SPTB: variants seen among roughly 807,000 people sequenced by gnomAD.
SPTB encodes the protein spectrin beta chain, erythrocytic.
Under a neutral mutation model 256.2 loss-of-function variants are expected in SPTB, and 45 were observed. That is an observed-to-expected ratio of 0.18 (90% CI 0.14 to 0.23). The LOEUF (loss-of-function observed/expected upper bound fraction) is 0.23. Ranked by LOEUF, SPTB falls within the 10% of genes least tolerant of loss-of-function variation. The pLI, the probability that SPTB is intolerant of heterozygous loss-of-function variation, is 1.00. For missense variants in SPTB, 2,715 were observed against 3,040.4 expected (o/e 0.89, Z 2.52); for synonymous variants, 1,231 against 1,243.1 (o/e 0.99, Z 0.21).
chr14:64,802,258 C>T lies in SPTB; in HGVS notation c.534G>A (p.Ala178=), dbSNP rs140370547. ...EGRETRSAKD[A]LLLWCQMKTA... ...TCTTCATCTGACACCACAACAGCAA[C>T]GCATCCTTGGCTGAGCGTGTTTCAC... is the stretch of plus-strand genomic sequence containing the variant. The change falls in exon 5 of 36, where the codon GCG becomes GCA. Residue 178 remains alanine (A), a synonymous_variant. Coordinates refer to ENST00000644917, the MANE Select transcript of SPTB (RefSeq NM_001355436.2). The surrounding 1 kb of genome is among the most constrained non-coding windows in gnomAD (Gnocchi z 5.1). 1.8e-4 allele frequency: 285 copies of T among 1,614,234 alleles called. 13 individuals carry two copies. The South Asian group carries it at 2.7e-3, about 15-fold the overall frequency.
intron 1 of SPTB, among the ~76,000 whole-genome samples, chr14:64,833,343 C>T (rs553598272): frequency 6.6e-6 from 1 of 152,206 alleles, no homozygotes; most frequent in South Asian, 2.1e-4. Context: ...CTGAGGTTGG[C>T]AGTTCGAGAC....
At chr14:64,864,617 C>A (rs910536902) in intron 1 of SPTB, among the ~76,000 whole-genome samples, 1 of 152,098 alleles carries the variant, frequency 6.6e-6, no homozygotes, top group African/African-American at 2.4e-5. Context: ...ATATCTGTAT[C>A]TATGTGTATA....
In SPTB at chr14:64,796,621, C is replaced by T. The variant is rs977348778; in HGVS notation, c.1277G>A (p.Arg426His). 21 of 1,614,216 alleles carry T rather than the reference C, an allele frequency of 1.3e-5. No individual in the cohort carries two copies. The highest frequency in any genetic ancestry group is 2.2e-5 in the East Asian group (1 of 44,874). The change falls in exon 11 of 36, where the codon CGC becomes CAC. Residue 426 changes from arginine to histidine, a missense_variant. Arg to His is a conservative substitution (Grantham distance 29). This residue lies in a region of SPTB where 416 missense variants were observed against 571.1 expected (regional missense o/e 0.73). Transcript: ENST00000644917. The surrounding 1 kb of genome is among the most constrained non-coding windows in gnomAD (Gnocchi z 4.1). ...RQEKLEQLARRFDRKAAMRET... is the reference protein window; with the variant it reads ...RQEKLEQLARHFDRKAAMRET... ...TCTCATTGCGGCCTTCCGGTCAAAGCGCCGGGCCAGTTGCTCTAGCTTCTC... is the reference window on the plus strand; with the variant it reads ...TCTCATTGCGGCCTTCCGGTCAAAGTGCCGGGCCAGTTGCTCTAGCTTCTC...
In SPTB at chr14:64,857,301, G is replaced by A. The variant is rs561254016; in HGVS notation, c.-52+22491C>T. Among the ~76,000 whole-genome samples the A allele has an allele frequency of 6.1e-4, 93 of 152,094 alleles. 1 individual carries two copies. Among genetic ancestry groups the A allele is most frequent in the Non-Finnish European group, 1.1e-3 (74 of 68,000 alleles). On this transcript the variant is annotated intron_variant, in intron 1 of 35. Transcript: ENST00000644917. ...ATCTAGGAGAGAAAAAACAATCCCG[G>A]GCCGGACACAGTGGCCCACGCTTAT... is the stretch of plus-strand genomic sequence containing the variant.
chr14:64,800,013 G>C, intron 8 of SPTB, 79 bp from the exon 9 acceptor site: 1 of 1,561,498 alleles, frequency 6.4e-7, no homozygotes, highest in Non-Finnish European at 8.8e-7. Context: ...CCACAATCAA[G>C]GTGCCACGAA....
At chr14:64,819,825 A>C (rs148659386) in intron 2 of SPTB, among the ~76,000 whole-genome samples, 2 of 152,266 alleles carry the variant, frequency 1.3e-5, no homozygotes, top group Non-Finnish European at 2.9e-5. Flanking sequence ...CCGATGGGAA[A>C]TTTTCTTAGT....
At chr14:64,766,410 C>T (rs2082183193) in intron 32 of SPTB, 10 of 1,372,642 alleles carry the variant, frequency 7.3e-6, no homozygotes, top group Non-Finnish European at 9.4e-6. Context: ...AGTGTTTCCC[C>T]TCATGTAAAT....
intron 12 of SPTB, 72 bp from the exon 13 acceptor site, chr14:64,794,689 G>C: frequency 6.3e-7 from 1 of 1,583,444 alleles, no homozygotes; most frequent in African/African-American, 1.3e-5. Context: ...AGAGACCCCT[G>C]CAAAGGGCAT....
chr14:64,760,447 A>G lies in SPTB; in HGVS notation c.6345+6279T>C, dbSNP rs982526401. The stretch of plus-strand genomic sequence containing the variant: ...CTGGCTCCGGACCACAGGGTGTTTC[A>G]GAGGTTCTGAAGATGCTCAGAGAAC... On this transcript the variant is annotated intron_variant, in intron 32 of 35. Transcript: ENST00000644917. This position sits in a 1 kb window ranked among gnomAD's most constrained non-coding sequence, Gnocchi z 4.3. Among the ~76,000 whole-genome samples the G allele has an allele frequency of 6.6e-6, 1 of 152,202 alleles. No homozygotes were observed. The highest frequency in any genetic ancestry group is 1.5e-5 in the Non-Finnish European group (1 of 68,044).
Position 64,793,967 on chromosome 14 carries a change from C to G in SPTB, c.1796-100G>C. The G allele has an allele frequency of 7.7e-7, 1 of 1,290,560 alleles. No homozygotes were observed. Among genetic ancestry groups the G allele is most frequent in the Non-Finnish European group, 1.0e-6 (1 of 955,194 alleles). 79.9% of individuals were successfully genotyped at this position (1,290,560 alleles called of 1,614,324 possible). ...AGGTTGGAACTACACAACCCTGAAG[C>G]TGCCATGTCACTGGGGCTTTGGGGT... On this transcript the variant is annotated intron_variant, in intron 13 of 35. Transcript: ENST00000644917. The surrounding 1 kb of genome is among the most constrained non-coding windows in gnomAD (Gnocchi z 7.0).
At position 64,823,935 on chromosome 14, in the gene SPTB, A is replaced by G. The variant is rs1393665938; in HGVS notation, c.-51-790T>C. ...CAATGGAACCGTGCATTGTGAGTCC[A>G]TGTGATGAACCAGCGCATCAGGAGC... is the stretch of plus-strand genomic sequence containing the variant. On this transcript the variant is annotated intron_variant, in intron 1 of 35. Coordinates refer to ENST00000644917, the MANE Select transcript of SPTB (RefSeq NM_001355436.2). This position sits in a 1 kb window ranked among gnomAD's most constrained non-coding sequence, Gnocchi z 6.5. Among the ~76,000 whole-genome samples the G allele has an allele frequency of 6.6e-6, 1 of 152,192 alleles. No homozygotes were observed. The highest frequency in any genetic ancestry group is 1.5e-5 in the Non-Finnish European group (1 of 68,036).
rs932224307 is a variant in SPTB at position 64,813,175 on chromosome 14, T to C, written c.149-8085A>G. 3.3e-5 allele frequency among the ~76,000 whole-genome samples: 5 copies of C among 152,328 alleles called. No homozygotes were observed. In the East Asian group the frequency reaches 9.6e-4, roughly 29 times the overall value. On this transcript the variant is annotated intron_variant, in intron 2 of 35. Transcript: ENST00000644917. ...TTCTAAAATATTTGCAGTGGGCATATATTGGTTTTATAATATGAAACAACA... is the reference window on the plus strand; with the variant it reads ...TTCTAAAATATTTGCAGTGGGCATACATTGGTTTTATAATATGAAACAACA...
In SPTB at chr14:64,802,657, C is replaced by T. The variant is rs576189789; in HGVS notation, c.475-340G>A. Among the ~76,000 whole-genome samples the T allele has an allele frequency of 3.3e-5, 5 of 152,254 alleles. No homozygotes were observed. The highest frequency in any genetic ancestry group is 7.4e-5 in the Non-Finnish European group (5 of 68,026). On this transcript the variant is annotated intron_variant, in intron 4 of 35. Coordinates refer to ENST00000644917, the MANE Select transcript of SPTB (RefSeq NM_001355436.2). The surrounding 1 kb of genome is among the most constrained non-coding windows in gnomAD (Gnocchi z 5.1). ...TGATTCTGTTCCTATTATGTGGCAG[C>T]GCTGTGCTAGGCCTGAGGACACACA... is the stretch of plus-strand genomic sequence containing the variant.
chr14:64,821,368 TAGG>T (rs1566786218), intron 2 of SPTB, among the ~76,000 whole-genome samples: 3 of 152,288 alleles, frequency 2.0e-5, no homozygotes, highest in Non-Finnish European at 4.4e-5. Flanking sequence ...TTAAACATAG[TAGG>T]AGTACAACAA....
rs2139649415 is a variant in SPTB at position 64,807,104 on chromosome 14, C to T, written c.149-2014G>A. On this transcript the variant is annotated intron_variant, in intron 2 of 35. Coordinates refer to ENST00000644917, the MANE Select transcript of SPTB (RefSeq NM_001355436.2). This position sits in a 1 kb window ranked among gnomAD's most constrained non-coding sequence, Gnocchi z 4.7. ...TTTTTAGATTCAACAGAGCCAGCCA[C>T]AGTCCCACAGTTTTTTCCCTAGAAA... is the stretch of plus-strand genomic sequence containing the variant. 6.6e-6 allele frequency among the ~76,000 whole-genome samples: 1 copy of T among 152,310 alleles called. No homozygotes were observed. Among genetic ancestry groups the T allele is most frequent in the Admixed American group, 6.5e-5 (1 of 15,304 alleles).
At chr14:64,857,252 A>T (rs775755500) in intron 1 of SPTB, among the ~76,000 whole-genome samples, 2 of 152,162 alleles carry the variant, frequency 1.3e-5, no homozygotes, top group African/African-American at 2.4e-5. Context: ...AACCACAAAG[A>T]GCATCATCCA....
rs1228901842 is a variant in SPTB at position 64,786,042 on chromosome 14, C to G, written c.3562-91G>C. 6.8e-6 allele frequency: 9 copies of G among 1,329,812 alleles called. No homozygotes were observed. Among genetic ancestry groups the G allele is most frequent in the Middle Eastern group, 4.3e-4 (2 of 4,626 alleles). The allele number at this position is 1,329,812 out of a possible 1,614,324, so 82.4% of individuals were successfully genotyped here. On this transcript the variant is annotated intron_variant, in intron 16 of 35. Transcript: ENST00000644917. The surrounding 1 kb of genome is among the most constrained non-coding windows in gnomAD (Gnocchi z 5.6). ...AGTGGGAGCACCACGTGCAGCCACA[C>G]AGGCCACGGTATGAATGAGCCCCCT...
intron 9 of SPTB, among the ~76,000 whole-genome samples, chr14:64,798,409 G>A (rs1353056959): frequency 6.6e-6 from 1 of 152,200 alleles, no homozygotes; most frequent in East Asian, 1.9e-4. Context: ...GCTCTGAGAG[G>A]CTTGTAGGTG....
rs963619130 is a variant in SPTB, at chr14:64,774,270, T to C, written c.4973+127A>G. 5.3e-6 allele frequency: 7 copies of C among 1,318,870 alleles called. No homozygotes were observed. The South Asian group carries it at 1.0e-4, about 19-fold the overall frequency. 81.7% of individuals were successfully genotyped at this position (1,318,870 alleles called of 1,614,324 possible). A position where few individuals can be genotyped will look rare whatever the true frequency, so the allele number is the denominator to read the frequency against. ...GGATCCATCACCAGTCCCGCAGCAA[T>C]TTTCTCCAGCCCTATTTGATGGGAA... On this transcript the variant is annotated intron_variant, in intron 24 of 35. Coordinates refer to ENST00000644917, the MANE Select transcript of SPTB (RefSeq NM_001355436.2).
Sources: allele counts gnomAD v4.1 joint callset (sites outside exome capture counted in the v4.1 genomes callset), GRCh38; gene constraint gnomAD v4.1.1; regional missense constraint gnomAD v4.1.1; non-coding constraint Gnocchi (gnomAD v3.1); transcripts MANE v1.5; gene names NCBI Gene and HGNC (gene_info 2026-07-23, HGNC 2026-07-21).